Variants in MED13L observed in about 807,000 individuals in gnomAD.
MED13L encodes the protein mediator of RNA polymerase II transcription subunit 13-like.
In MED13L, 7 loss-of-function variants were observed where a neutral mutation model predicts 220.9. The ratio of observed to expected loss-of-function variants is 0.03; its 90% CI spans 0.02 to 0.06. The LOEUF (loss-of-function observed/expected upper bound fraction) is 0.06, where lower values mean the gene tolerates loss of function less well. Ranked by LOEUF, MED13L falls within the 10% of genes least tolerant of loss-of-function variation. The pLI is 1.00. For missense variants in MED13L, 1,965 were observed against 2,760.5 expected, an observed-to-expected ratio of 0.71 and a Z score of 6.46; for synonymous variants, 1,011 against 1,015.2, an observed-to-expected ratio of 1.00 and a Z score of 0.08.
At chr12:116,000,497 A>G (rs1878672802) in intron 14 of MED13L, among the ~76,000 whole-genome samples, 1 of 152,154 alleles carries the variant, frequency 6.6e-6, no homozygotes, top group Admixed American at 6.5e-5. Context: ...CCTCCAACAA[A>G]GCAGCATTGT....
At chr12:116,074,945 C>T (rs1202374598) in intron 4 of MED13L, among the ~76,000 whole-genome samples, 1 of 152,260 alleles carries the variant, frequency 6.6e-6, no homozygotes, top group Non-Finnish European at 1.5e-5. Context: ...CTTTATTGCG[C>T]AAGCAAGGTT....
At chr12:116,173,083 A>G (rs1229641254) in intron 2 of MED13L, among the ~76,000 whole-genome samples, 5 of 151,460 alleles carry the variant, frequency 3.3e-5, no homozygotes, top group Non-Finnish European at 7.4e-5. Flanking sequence ...ATACAAGTGC[A>G]TGGCACACTA....
chr12:116,044,399 A>G (rs16946514), intron 4 of MED13L, among the ~76,000 whole-genome samples: 6,724 of 152,302 alleles, frequency 0.044, 515 homozygotes, highest in African/African-American at 0.15. Flanking sequence ...AAGAAAGCGC[A>G]AGTGAATGTT....
chr12:116,241,370 T>C (rs1259649135), intron 1 of MED13L, among the ~76,000 whole-genome samples: 1 of 148,314 alleles, frequency 6.7e-6, no homozygotes, highest in Non-Finnish European at 1.5e-5. Flanking sequence ...ACAATAAATA[T>C]GAATCACTAA....
chr12:115,961,805 T>C (rs1875777822), intron 30 of MED13L, among the ~76,000 whole-genome samples: 2 of 152,128 alleles, frequency 1.3e-5, no homozygotes, highest in South Asian at 2.1e-4. Flanking sequence ...ACCCCATCTC[T>C]ATTAAAAATA....
At chr12:116,117,250 G>A (rs963483840) in intron 2 of MED13L, among the ~76,000 whole-genome samples, 1 of 152,084 alleles carries the variant, frequency 6.6e-6, no homozygotes, top group Non-Finnish European at 1.5e-5. Flanking sequence ...TTAAGGTACT[G>A]TAAACTTCTC....
At position 115,982,544 on chromosome 12, in the gene MED13L, G is replaced by A. The variant is rs766892205; in HGVS notation, c.5015C>T (p.Ala1672Val). The change falls in exon 22 of 31, where the codon GCC (alanine) becomes GTC (valine). Residue 1672 changes from alanine (A) to valine (V), a missense_variant. This residue lies in a region of MED13L where 510 missense variants were observed against 620.4 expected (regional missense o/e 0.82). Transcript: ENST00000281928. Reference sequence around the variant, plus strand: ...GTAAATGACAACAGCTGGAGGGTGGGCATGGCTGTCTGCAGAGTCAGGCTC... The same window carrying A: ...GTAAATGACAACAGCTGGAGGGTGGACATGGCTGTCTGCAGAGTCAGGCTC... ...PTEPDSADSHAHPPAVVIYMV... is the reference protein window; with the variant it reads ...PTEPDSADSHVHPPAVVIYMV... 1 of 1,614,116 alleles carries A rather than the reference G, an allele frequency of 6.2e-7. No individual in the cohort carries two copies. Among genetic ancestry groups the A allele is most frequent in the South Asian group, 1.1e-5 (1 of 91,080 alleles).
At chr12:116,024,782 G>GGC (rs1555250448) in intron 4 of MED13L, among the ~76,000 whole-genome samples, 1 of 100,230 alleles carries the variant, frequency 1.0e-5, no homozygotes, top group East Asian at 3.8e-4. Flanking sequence ...GCGGGGGGGG[G>GGC]GGGGAGGTGA....
At chr12:116,211,602 G>A (rs1245601660) in intron 2 of MED13L, among the ~76,000 whole-genome samples, 4 of 152,076 alleles carry the variant, frequency 2.6e-5, no homozygotes, top group Non-Finnish European at 4.4e-5. Flanking sequence ...TTATACTTTA[G>A]GGCAGCTGAA....
intron 1 of MED13L, among the ~76,000 whole-genome samples, chr12:116,252,036 A>AT (rs1251580465): frequency 6.6e-6 from 1 of 152,228 alleles, no homozygotes; most frequent in East Asian, 1.9e-4. Context: ...AGAGCTTCAA[A>AT]ATATATAAAG....
At chr12:116,068,579 T>C (rs1243845471) in intron 4 of MED13L, among the ~76,000 whole-genome samples, 5 of 152,166 alleles carry the variant, frequency 3.3e-5, no homozygotes, top group African/African-American at 1.2e-4. Flanking sequence ...TATACATGTG[T>C]TTTCTGACCT....
chr12:116,121,140 T>A (rs941046129), intron 2 of MED13L, among the ~76,000 whole-genome samples: 5 of 152,216 alleles, frequency 3.3e-5, no homozygotes, highest in African/African-American at 1.2e-4. Context: ...CAACCTTTTT[T>A]AATACAGTTA....
intron 4 of MED13L, among the ~76,000 whole-genome samples, chr12:116,040,139 GGT>G (rs1200844612): frequency 6.6e-6 from 1 of 152,112 alleles, no homozygotes; most frequent in African/African-American, 2.4e-5. Flanking sequence ...AGAAAATTGT[GGT>G]GTTTTTTTCC....
intron 2 of MED13L, among the ~76,000 whole-genome samples, chr12:116,170,715 C>T (rs34171783): frequency 1.3e-5 from 2 of 151,366 alleles, no homozygotes; most frequent in Non-Finnish European, 2.9e-5. Context: ...ATTCTTGGGC[C>T]TAAGCCTCCT....
intron 2 of MED13L, among the ~76,000 whole-genome samples, chr12:116,163,030 T>C (rs888814688): frequency 3.9e-5 from 6 of 152,196 alleles, no homozygotes; most frequent in Non-Finnish European, 5.9e-5. Flanking sequence ...CAGGCCACCA[T>C]GCCGAGTTTA....
In MED13L at chr12:115,991,705, G is replaced by A. The variant is rs757819922; in HGVS notation, c.3249C>T (p.Ala1083=). The change falls in exon 17 of 31, where the codon GCC becomes GCT. Residue 1083 remains alanine, a synonymous_variant. Coordinates refer to ENST00000281928, the MANE Select transcript of MED13L (RefSeq NM_015335.5). This position sits in a 1 kb window ranked among gnomAD's most constrained non-coding sequence, Gnocchi z 7.7. ...GGGGCCGTGTAGTAGAGGGGGTGGA[G>A]GCTGGTGATCCTTGATCGGTGCTAT... The part of the protein sequence containing the change: ...KYDSTDQGSP[A]STPSTTRPLN... 4.3e-6 allele frequency: 7 copies of A among 1,613,918 alleles called. No homozygotes were observed. The South Asian group carries it at 5.5e-5, about 13-fold the overall frequency.
At chr12:116,063,237 C>G (rs1163100395) in intron 4 of MED13L, among the ~76,000 whole-genome samples, 2 of 152,226 alleles carry the variant, frequency 1.3e-5, no homozygotes, top group Non-Finnish European at 2.9e-5. Flanking sequence ...ACATATATAA[C>G]TGGCTTGAGG....
intron 1 of MED13L, among the ~76,000 whole-genome samples, chr12:116,256,682 C>CCT (rs758485781): frequency 9.8e-4 from 94 of 96,258 alleles, no homozygotes; most frequent in African/African-American, 3.7e-3. Flanking sequence ...AAACAAACTA[C>CCT]TTTTTTTTTT....
intron 2 of MED13L, among the ~76,000 whole-genome samples, chr12:116,193,626 ACT>A (rs1881427731): frequency 1.3e-5 from 2 of 150,958 alleles, no homozygotes; most frequent in South Asian, 4.2e-4. Flanking sequence ...GAAAAAAAAA[ACT>A]CCTAATAATC....
Sources: allele counts gnomAD v4.1 joint callset (sites outside exome capture counted in the v4.1 genomes callset), GRCh38; gene constraint gnomAD v4.1.1; regional missense constraint gnomAD v4.1.1; non-coding constraint Gnocchi (gnomAD v3.1); transcripts MANE v1.5; gene names NCBI Gene and HGNC (gene_info 2026-07-23, HGNC 2026-07-21).